JADE3: variants seen among roughly 807,000 people sequenced by gnomAD.
JADE3 encodes protein Jade-3.
JADE3 carries 2 observed loss-of-function variants against 50.1 expected under a neutral mutation model. The ratio of observed to expected loss-of-function variants is 0.04; its 90% confidence interval spans 0.02 to 0.13. The LOEUF (loss-of-function observed/expected upper bound fraction) is 0.13. Among genes scored for constraint, JADE3 ranks in the 10% least tolerant of loss-of-function variants. The pLI is 1.00. For missense variants in JADE3, 475 were observed against 634.4 expected, an observed-to-expected ratio of 0.75 and a Z score of 2.70; for synonymous variants, 218 against 232.9, an observed-to-expected ratio of 0.94 and a Z score of 0.58.
At chrX:47,038,389 T>C (rs1323777930) in intron 7 of JADE3, among the ~76,000 whole-genome samples, 2 of 111,599 alleles carry the variant, frequency 1.8e-5, no homozygotes, top group African/African-American at 6.5e-5. Context: ...TTCTCCATAG[T>C]GGTTGTACTA....
At chrX:46,991,861 G>C (rs1011934788) in intron 3 of JADE3, among the ~76,000 whole-genome samples, 1 of 111,194 alleles carries the variant, frequency 9.0e-6, no homozygotes, top group Non-Finnish European at 1.9e-5. Flanking sequence ...AGTCTTTAGC[G>C]TAGTAGAGGG....
intron 4 of JADE3, among the ~76,000 whole-genome samples, chrX:47,011,053 C>T (rs1282776669): frequency 9.0e-6 from 1 of 111,152 alleles, no homozygotes; most frequent in Admixed American, 9.6e-5. Context: ...ACTAAGGCCC[C>T]ATCCTTATGA....
intron 1 of JADE3, among the ~76,000 whole-genome samples, chrX:46,982,651 C>A (rs1350620035): frequency 9.0e-6 from 1 of 110,818 alleles, no homozygotes; most frequent in Non-Finnish European, 1.9e-5. Context: ...ATTTCCTCAA[C>A]CCCCATTCTC....
intron 1 of JADE3, among the ~76,000 whole-genome samples, chrX:46,933,917 A>T (rs1317557589): frequency 1.8e-5 from 2 of 111,468 alleles, no homozygotes; most frequent in Non-Finnish European, 3.8e-5. Flanking sequence ...ACTTTTGTCA[A>T]ACCCATCAGA....
chrX:46,985,342 G>A (rs1390135029), intron 2 of JADE3, among the ~76,000 whole-genome samples: 1 of 112,182 alleles, frequency 8.9e-6, no homozygotes, highest in Admixed American at 9.4e-5. Flanking sequence ...CTTTGGGGAA[G>A]TGCTGAAGGA....
chrX:47,024,853 T>C lies in JADE3; in HGVS notation c.414T>C (p.Tyr138=), dbSNP rs1331933980. 1 of 1,201,657 alleles carries C rather than the reference T, an allele frequency of 8.3e-7. No individual in the cohort carries two copies. Among genetic ancestry groups the C allele is most frequent in the African/African-American group, 1.7e-5 (1 of 57,633 alleles). The change falls in exon 5 of 11, where the codon TAT becomes TAC. Residue 138 remains tyrosine, a synonymous_variant. Coordinates refer to ENST00000614628, the MANE Select transcript of JADE3 (RefSeq NM_014735.5). ...IMELAASVCR[Y]DLDDMDIFWL... ...AGTTGGCAGCATCTGTTTGCCGCTA[T>C]GACCTAGATGACATGGACATCTTCT...
chrX:47,045,148 A>G (rs1929344985), intron 8 of JADE3, among the ~76,000 whole-genome samples: 2 of 112,018 alleles, frequency 1.8e-5, no homozygotes, highest in Admixed American at 1.9e-4. Context: ...AATCAATACA[A>G]AAAACAAGGC....
Position 47,033,678 on chromosome X carries a change from C to T in JADE3, c.745C>T (p.Leu249=). The change falls in exon 7 of 11, where the codon CTG becomes TTG. Residue 249 remains leucine (L), a synonymous_variant. Coordinates refer to ENST00000614628, the MANE Select transcript of JADE3 (RefSeq NM_014735.5). The stretch of plus-strand genomic sequence containing the variant: ...CAGCTGGCTGTGTCGCTCCTGTGTC[C>T]TGGGCATTTATCCGCAATGTGTGTT... ...EGSWLCRSCV[L]GIYPQCVLCP... 1 of 1,208,675 alleles carries T rather than the reference C, an allele frequency of 8.3e-7. No homozygotes were observed. Among genetic ancestry groups the T allele is most frequent in the Non-Finnish European group, 1.1e-6 (1 of 894,027 alleles).
At chrX:46,988,327 TTTTG>T (rs1262447638) in intron 3 of JADE3, among the ~76,000 whole-genome samples, 2 of 111,049 alleles carry the variant, frequency 1.8e-5, no homozygotes, top group African/African-American at 6.6e-5. Context: ...CTTTCCGGTT[TTTTG>T]TTTGTTTGTT....
chrX:46,991,047 T>TCCCCCCCCCCCC (rs1927982991), intron 3 of JADE3, among the ~76,000 whole-genome samples: 1 of 1,609 alleles, frequency 6.2e-4, no homozygotes, highest in Non-Finnish European at 1.2e-3. Flanking sequence ...CTTCCTTCCC[T>TCCCCCCCCCCCC]CCCTCCCTCC....
intron 1 of JADE3, among the ~76,000 whole-genome samples, chrX:46,932,146 T>G (rs1453945736): frequency 8.9e-6 from 1 of 112,360 alleles, no homozygotes; most frequent in Non-Finnish European, 1.9e-5. Flanking sequence ...CCCCTGTTAA[T>G]AGAAGTTACT....
At chrX:46,950,309 C>T (rs1556344529) in intron 1 of JADE3, among the ~76,000 whole-genome samples, 1 of 112,121 alleles carries the variant, frequency 8.9e-6, no homozygotes, top group Non-Finnish European at 1.9e-5. Flanking sequence ...CCACTCTTCT[C>T]CCCTCAGCCC....
Position 47,029,286 on chromosome X carries a change from A to T in JADE3, c.687+1183A>T, listed in dbSNP as rs782415218. On this transcript the variant is annotated intron_variant, in intron 6 of 10. Coordinates refer to ENST00000614628, the MANE Select transcript of JADE3 (RefSeq NM_014735.5). ...GCTAAATCTTAATGTCCAAAAGGAG[A>T]TGTCAAGTAAACCAGCAATGTGTGT... Among the ~76,000 whole-genome samples the T allele has an allele frequency of 3.6e-5, 4 of 112,397 alleles. No homozygotes were observed. In the East Asian group the frequency reaches 1.1e-3, roughly 31 times the overall value.
At position 47,058,642 on chromosome X, in the gene JADE3, A is replaced by C; in HGVS notation, c.2037A>C (p.Gln679His). ...GCAGCTGGTCTGGGAATGTCACCCA[A>C]AAAGACAGCTCGAGTGAGATGTTCT... ...LEGSWSGNVTQKDSSSEMFCD... is the reference protein window; with the variant it reads ...LEGSWSGNVTHKDSSSEMFCD... Residue 679 changes from glutamine (Q) to histidine (H), a missense_variant, in exon 11 of 11, where the codon CAA (glutamine) becomes CAC (histidine). Physicochemically the swap from Gln to His is conservative, Grantham distance 24. Around this residue, in one of 6 missense-constraint regions of JADE3, gnomAD observed 243 missense variants for 238.2 expected, o/e 1.02. Transcript: ENST00000614628. 2.5e-6 allele frequency: 3 copies of C among 1,211,594 alleles called. No homozygotes were observed. Among genetic ancestry groups the C allele is most frequent in the Non-Finnish European group, 3.4e-6 (3 of 895,481 alleles).
chrX:47,024,697 A>G, intron 4 of JADE3, 27 bp from the exon 5 acceptor site: 1 of 1,034,132 alleles, frequency 9.7e-7, no homozygotes, highest in Non-Finnish European at 1.3e-6. Flanking sequence ...GTTGATTGTT[A>G]TCATTGTCTT....
chrX:46,958,824 G>A (rs1482091367), intron 1 of JADE3, among the ~76,000 whole-genome samples: 1 of 111,966 alleles, frequency 8.9e-6, no homozygotes, highest in Non-Finnish European at 1.9e-5. Flanking sequence ...AGCCTATTGG[G>A]AGATCTGGTT....
At chrX:47,026,494 T>G (rs962473) in intron 5 of JADE3, among the ~76,000 whole-genome samples, 36,851 of 107,876 alleles carry the variant, frequency 0.34, 7,777 homozygotes, top group African/African-American at 0.76. Flanking sequence ...GATTTCAAGG[T>G]TTTTTTTTCC....
chrX:46,961,202 G>T (rs1205298397), intron 1 of JADE3, among the ~76,000 whole-genome samples: 1 of 111,932 alleles, frequency 8.9e-6, no homozygotes, highest in Non-Finnish European at 1.9e-5. Flanking sequence ...TCCTTCATCA[G>T]ATCTTTATTG....
chrX:46,998,706 A>G (rs1374747553), intron 4 of JADE3, among the ~76,000 whole-genome samples: 2 of 110,241 alleles, frequency 1.8e-5, no homozygotes, highest in Non-Finnish European at 3.8e-5. Flanking sequence ...TTGTTTATTT[A>G]TTTTGAGATG....
Sources: gnomAD v4.1 joint callset for allele counts (sites outside exome capture counted in the v4.1 genomes callset) on GRCh38, gnomAD v4.1.1 for gene constraint, gnomAD v4.1.1 regional missense constraint, MANE v1.5 for transcripts, NCBI Gene and HGNC (gene_info 2026-07-23, HGNC 2026-07-21) for gene names.